The following PTPN11 variants were observed in gnomAD, a reference collection of about 807,000 sequenced individuals.
PTPN11 encodes tyrosine-protein phosphatase non-receptor type 11.
PTPN11 carries 6 observed loss-of-function variants against 78.8 expected under a neutral mutation model. The ratio of observed to expected loss-of-function variants is 0.08; its 90% CI spans 0.04 to 0.15. The LOEUF (loss-of-function observed/expected upper bound fraction) is 0.15. Ranked by LOEUF, PTPN11 falls within the 10% of genes least tolerant of loss-of-function variation. The pLI is 1.00. For synonymous variants in PTPN11, 221 were observed against 263.5 expected (o/e 0.84, Z 1.56); for missense variants, 386 against 744.8 (o/e 0.52, Z 5.61).
At chr12:112,419,198 G>GA in intron 1 of PTPN11, 73 bp downstream of exon 1, 1 of 1,351,080 alleles carries the variant, frequency 7.4e-7, no homozygotes, top group Non-Finnish European at 9.5e-7. Context: ...CCGTCCGGAA[G>GA]GGGGCGCCCC....
intron 14 of PTPN11, among the ~76,000 whole-genome samples, chr12:112,502,726 GA>G (rs2038890808): frequency 2.0e-5 from 3 of 152,172 alleles, no homozygotes; most frequent in African/African-American, 4.8e-5. Flanking sequence ...CAGCCTGGGC[GA>G]TAGAGTGAGC....
chr12:112,485,337 C>A (rs936945634), intron 10 of PTPN11, among the ~76,000 whole-genome samples: 45 of 152,244 alleles, frequency 3.0e-4, no homozygotes, highest in African/African-American at 1.0e-3. Flanking sequence ...ACAATTACGT[C>A]ATCTGGATAG....
intron 6 of PTPN11, among the ~76,000 whole-genome samples, chr12:112,466,847 C>G (rs1199208493): frequency 6.6e-6 from 1 of 152,162 alleles, no homozygotes; most frequent in African/African-American, 2.4e-5. Flanking sequence ...GTCATTAGGG[C>G]ATCGTCATGG....
At chr12:112,471,183 G>T (rs1362289992) in intron 6 of PTPN11, among the ~76,000 whole-genome samples, 1 of 152,118 alleles carries the variant, frequency 6.6e-6, no homozygotes, top group East Asian at 1.9e-4. Flanking sequence ...TAAATGAAAT[G>T]GAAATAAAAC....
In PTPN11 at chr12:112,459,144, GCAGT is replaced by G. The variant is rs146143868; in HGVS notation, c.756+3084_756+3087del. Reference sequence around the variant, plus strand: ...CTAAATAATAAAAGGCAGCATTTCAGCAGTCATTCATTTCATTACTTTCACTTCA... The same window carrying G: ...CTAAATAATAAAAGGCAGCATTTCAGCATTCATTTCATTACTTTCACTTCA... On this transcript the variant is annotated intron_variant, in intron 6 of 15. Coordinates refer to ENST00000351677, the MANE Select transcript of PTPN11 (RefSeq NM_002834.5). 7.6e-3 allele frequency among the ~76,000 whole-genome samples: 1,156 copies of G among 152,200 alleles called. 14 individuals are homozygous for G. The highest frequency in any genetic ancestry group is 0.026 in the African/African-American group (1,062 of 41,518).
chr12:112,491,076 A>C (rs867491672), intron 13 of PTPN11, among the ~76,000 whole-genome samples: 1 of 152,196 alleles, frequency 6.6e-6, no homozygotes, highest in African/African-American at 2.4e-5. Context: ...AAAAAAAGGA[A>C]TGATGGGTGA....
intron 6 of PTPN11, among the ~76,000 whole-genome samples, chr12:112,471,233 G>C (rs1349471484): frequency 2.6e-5 from 4 of 152,120 alleles, no homozygotes; most frequent in Admixed American, 1.3e-4. Context: ...GTTTTTCCTT[G>C]TAGGACTCTT....
intron 6 of PTPN11, among the ~76,000 whole-genome samples, chr12:112,463,236 C>T (rs1030742314): frequency 4.6e-5 from 7 of 151,418 alleles, no homozygotes; most frequent in Admixed American, 4.6e-4. Flanking sequence ...ATAATAGACA[C>T]ACAAAGTAAA....
intron 1 of PTPN11, among the ~76,000 whole-genome samples, chr12:112,425,380 T>C (rs1332771083): frequency 1.3e-5 from 2 of 151,972 alleles, no homozygotes; most frequent in Non-Finnish European, 2.9e-5. Context: ...GACTTACTCT[T>C]TTACTATAGG....
Position 112,507,757 on chromosome 12 carries a change from C to T in PTPN11, c.*1965C>T, listed in dbSNP as rs1365214757. On this transcript the variant is annotated 3_prime_UTR_variant, in exon 16 of 16. Coordinates refer to ENST00000351677, the MANE Select transcript of PTPN11 (RefSeq NM_002834.5). Reference sequence around the variant, plus strand: ...GTGGTAGTTCCTTTCTGAGGTCTCTCAGTCCCTTGAGACTTTGGGGTAGTT... The same window carrying T: ...GTGGTAGTTCCTTTCTGAGGTCTCTTAGTCCCTTGAGACTTTGGGGTAGTT... 6.6e-6 allele frequency: 1 copy of T among 152,594 alleles called. No individual in the cohort carries two copies. Among genetic ancestry groups the T allele is most frequent in the Admixed American group, 6.5e-5 (1 of 15,284 alleles). 9.5% of individuals were successfully genotyped at this position (152,594 alleles called of 1,614,324 possible).
intron 1 of PTPN11, among the ~76,000 whole-genome samples, chr12:112,445,089 A>G (rs1340343105): frequency 2.0e-5 from 3 of 152,100 alleles, no homozygotes; most frequent in African/African-American, 7.2e-5. Context: ...GTGTATTCAT[A>G]AAAGCACATA....
intron 13 of PTPN11, among the ~76,000 whole-genome samples, chr12:112,499,530 G>T (rs1330548755): frequency 6.6e-6 from 1 of 151,970 alleles, no homozygotes; most frequent in African/African-American, 2.4e-5. Flanking sequence ...AGTAGAGATG[G>T]GGTGTCACCA....
intron 1 of PTPN11, among the ~76,000 whole-genome samples, chr12:112,432,865 C>CT (rs749170888): frequency 8.9e-4 from 128 of 143,850 alleles, no homozygotes; most frequent in African/African-American, 7.9e-4. Flanking sequence ...CCATTTTTAA[C>CT]TTTTTTTTTT....
In PTPN11 at chr12:112,504,590, T is replaced by C; in HGVS notation, c.1713-105T>C. ...AGGCACAGGAACTGTGTCTGTACCA[T>C]ATCTGGTGCCCAAAGAATGTAGTAT... On this transcript the variant is annotated intron_variant, in intron 14 of 15. Transcript: ENST00000351677. This position sits in a 1 kb window ranked among gnomAD's most constrained non-coding sequence, Gnocchi z 4.7. 1.2e-6 allele frequency: 1 copy of C among 841,740 alleles called. No individual in the cohort carries two copies. The highest frequency in any genetic ancestry group is 2.0e-5 in the Admixed American group (1 of 49,766). 52.1% of individuals were successfully genotyped at this position (841,740 alleles called of 1,614,324 possible).
At chr12:112,472,118 C>T (rs2038427881) in intron 6 of PTPN11, among the ~76,000 whole-genome samples, 1 of 152,076 alleles carries the variant, frequency 6.6e-6, no homozygotes, top group South Asian at 2.1e-4. Flanking sequence ...GCCATTGCAC[C>T]TGGCCTTCTG....
chr12:112,450,553 T>C (rs2135863288), intron 3 of PTPN11, 41 bp downstream of exon 3: 1 of 1,581,656 alleles, frequency 6.3e-7, no homozygotes, highest in Non-Finnish European at 8.7e-7. Context: ...GCTGCTCCCT[T>C]GTGCCCTGAG....
At chr12:112,434,623 GAGAA>G (rs1250924722) in intron 1 of PTPN11, among the ~76,000 whole-genome samples, 3 of 151,688 alleles carry the variant, frequency 2.0e-5, no homozygotes, top group East Asian at 1.9e-4. Flanking sequence ...AAAAAAAAGA[GAGAA>G]AGATCTTCAA....
chr12:112,444,605 T>C (rs2037962630), intron 1 of PTPN11, among the ~76,000 whole-genome samples: 1 of 152,020 alleles, frequency 6.6e-6, no homozygotes, highest in African/African-American at 2.4e-5. Flanking sequence ...CTCCCAAAAT[T>C]CTGGGATTAC....
chr12:112,451,510 C>T (rs2038078781), intron 3 of PTPN11, among the ~76,000 whole-genome samples: 1 of 152,162 alleles, frequency 6.6e-6, no homozygotes, highest in Non-Finnish European at 1.5e-5. Context: ...CAAAGTCTGT[C>T]CTTGGATGGC....
Sources: gnomAD v4.1 joint callset for allele counts (sites outside exome capture counted in the v4.1 genomes callset) on GRCh38, gnomAD v4.1.1 for gene constraint, Gnocchi (gnomAD v3.1) non-coding constraint, MANE v1.5 for transcripts, NCBI Gene and HGNC (gene_info 2026-07-23, HGNC 2026-07-21) for gene names.